The following ZDHHC7 variants were observed in gnomAD, a reference collection of about 807,000 sequenced individuals.
ZDHHC7 encodes the protein palmitoyltransferase ZDHHC7.
Under a neutral mutation model 34.1 loss-of-function variants are expected in ZDHHC7, and 12 were observed. The ratio of observed to expected loss-of-function variants is 0.35; its 90% CI spans 0.23 to 0.57. The LOEUF is 0.57. Ranked by LOEUF, ZDHHC7 falls within the 20% of genes least tolerant of loss-of-function variation. ZDHHC7 has a pLI of 0.84. For synonymous variants in ZDHHC7, 185 were observed against 155.4 expected, an observed-to-expected ratio of 1.19 and a Z score of -1.42; for missense variants, 388 against 402.7, an observed-to-expected ratio of 0.96 and a Z score of 0.31.
chr16:84,984,883 G>A (rs2143597056), intron 3 of ZDHHC7, among the ~76,000 whole-genome samples: 1 of 152,144 alleles, frequency 6.6e-6, no homozygotes, highest in East Asian at 1.9e-4. Context: ...GGTGTGCACG[G>A]CTGCACCATC....
the ZDHHC7 span, among the ~76,000 whole-genome samples, chr16:85,021,918 A>G: frequency 1.3e-5 from 2 of 152,082 alleles, no homozygotes; most frequent in South Asian, 4.1e-4. Context: ...GCACTTTGGG[A>G]GGCCGAGGCG....
intron 1 of ZDHHC7, among the ~76,000 whole-genome samples, chr16:85,010,723 G>T (rs2072779919): frequency 6.6e-6 from 1 of 152,220 alleles, no homozygotes. Context: ...AACCACACCA[G>T]GAGAGGTGAG....
intron 1 of ZDHHC7, among the ~76,000 whole-genome samples, chr16:85,005,856 G>T (rs1447938823): frequency 6.6e-6 from 1 of 152,120 alleles, no homozygotes; most frequent in Non-Finnish European, 1.5e-5. Flanking sequence ...ATGCAACCAG[G>T]ATTGATTCAC....
At chr16:84,977,060 C>T in intron 7 of ZDHHC7, 35 bp downstream of exon 7, 1 of 1,612,878 alleles carries the variant, frequency 6.2e-7, no homozygotes, top group South Asian at 1.1e-5. Flanking sequence ...GCTTGGACCA[C>T]ATATGAAGTC....
intron 3 of ZDHHC7, among the ~76,000 whole-genome samples, chr16:84,986,318 C>T (rs1272280004): frequency 1.3e-5 from 2 of 152,238 alleles, no homozygotes; most frequent in Non-Finnish European, 2.9e-5. Context: ...TGGCCTCTTA[C>T]TGGCACAGCG....
the ZDHHC7 span, among the ~76,000 whole-genome samples, chr16:85,022,724 C>T: frequency 6.6e-6 from 1 of 152,146 alleles, no homozygotes; most frequent in Admixed American, 6.5e-5. Context: ...AGAAATATAT[C>T]ACCATTGGTC....
chr16:85,024,146 G>T, the ZDHHC7 span, among the ~76,000 whole-genome samples: 6 of 151,682 alleles, frequency 4.0e-5, no homozygotes, highest in South Asian at 1.2e-3. Flanking sequence ...TCAAACTCCT[G>T]ACCTCAGATG....
intron 3 of ZDHHC7, among the ~76,000 whole-genome samples, chr16:84,986,974 T>C (rs138287056): frequency 1.8e-3 from 272 of 152,246 alleles, no homozygotes; most frequent in Admixed American, 3.7e-3. Flanking sequence ...ATGCCCACTC[T>C]CCCCTTCAGA....
intron 1 of ZDHHC7, among the ~76,000 whole-genome samples, chr16:84,997,975 T>C (rs1035496836): frequency 1.6e-4 from 22 of 138,100 alleles, no homozygotes; most frequent in Non-Finnish European, 2.9e-4. Context: ...GAGAAGAGAA[T>C]GTAAAATAAA....
At chr16:84,985,692 C>G (rs1203547088) in intron 3 of ZDHHC7, among the ~76,000 whole-genome samples, 1 of 152,120 alleles carries the variant, frequency 6.6e-6, no homozygotes, top group Admixed American at 6.5e-5. Flanking sequence ...CGGTGACTCA[C>G]ACTTGTAATC....
chr16:85,007,816 C>T lies in ZDHHC7; in HGVS notation c.-104+3470G>A, dbSNP rs142961313. Among the ~76,000 whole-genome samples, 244 of 152,042 alleles carry T rather than the reference C, an allele frequency of 1.6e-3. 4 individuals carry two copies. Among genetic ancestry groups the T allele is most frequent in the African/African-American group, 5.2e-3 (216 of 41,356 alleles). ...TACAGGATTTTCAAGTAGGAAGGGACCAGGAAAGAAGTAGGATATGTAGTA... is the reference window on the plus strand; with the variant it reads ...TACAGGATTTTCAAGTAGGAAGGGATCAGGAAAGAAGTAGGATATGTAGTA... On this transcript the variant is annotated intron_variant, in intron 1 of 7. Transcript: ENST00000313732.
At chr16:84,999,387 T>C (rs1042788925) in intron 1 of ZDHHC7, among the ~76,000 whole-genome samples, 1 of 152,144 alleles carries the variant, frequency 6.6e-6, no homozygotes, top group Admixed American at 6.6e-5. Flanking sequence ...GAAAAATAAA[T>C]ATAAATATGA....
intron 3 of ZDHHC7, 136 bp downstream of exon 3, chr16:84,990,168 T>C: frequency 3.8e-6 from 4 of 1,046,238 alleles, no homozygotes; most frequent in Non-Finnish European, 5.5e-6. Flanking sequence ...GCTCCCAAAA[T>C]GAGCTCAATC....
chr16:84,994,677 G>T (rs2072553753), intron 2 of ZDHHC7, among the ~76,000 whole-genome samples: 1 of 152,186 alleles, frequency 6.6e-6, no homozygotes, highest in Non-Finnish European at 1.5e-5. Context: ...AGCTGTGTAA[G>T]GAGAGCGCCC....
chr16:85,015,057 C>A (rs567645882), upstream of ZDHHC7, among the ~76,000 whole-genome samples: 1 of 151,040 alleles, frequency 6.6e-6, no homozygotes, highest in African/African-American at 2.4e-5. Context: ...ACTTTGGTTT[C>A]ATCAATGTGA....
Position 85,001,470 on chromosome 16 carries a change from C to CAA in ZDHHC7, c.-103-5465_-103-5464dup, listed in dbSNP as rs71151261. ...TGGGCAAGAGAGCAAGACCCTGTCT[C>CAA]AAAAAAAAAAAAAATTAAGTAAATG... On this transcript the variant is annotated intron_variant, in intron 1 of 7. Coordinates refer to ENST00000313732, the MANE Select transcript of ZDHHC7 (RefSeq NM_017740.3). Among the ~76,000 whole-genome samples the CAA allele has an allele frequency of 2.6e-4, 25 of 95,354 alleles. 1 individual carries two copies. The highest frequency in any genetic ancestry group is 1.9e-3 in the Admixed American group (14 of 7,480). The allele number at this position is 95,354 out of a possible 152,430, so 62.6% of individuals were successfully genotyped here.
chr16:84,998,750 T>G (rs997828496), intron 1 of ZDHHC7, among the ~76,000 whole-genome samples: 3 of 72,310 alleles, frequency 4.1e-5, no homozygotes, highest in Middle Eastern at 8.3e-3. Context: ...CTTCTGAACC[T>G]TTTTTTTTTT....
chr16:85,025,371 T>C, the ZDHHC7 span, among the ~76,000 whole-genome samples: 1,812 of 152,010 alleles, frequency 0.012, 20 homozygotes, highest in Non-Finnish European at 0.018. Context: ...CCCTGGATCC[T>C]GCTGAGCCAA....
intron 2 of ZDHHC7, among the ~76,000 whole-genome samples, chr16:84,993,716 A>G (rs895139595): frequency 2.0e-5 from 3 of 152,210 alleles, no homozygotes; most frequent in Non-Finnish European, 4.4e-5. Context: ...ACTAAAGATC[A>G]AAAGAATTTG....
Sources: gnomAD v4.1 joint callset for allele counts (sites outside exome capture counted in the v4.1 genomes callset) on GRCh38, gnomAD v4.1.1 for gene constraint, MANE v1.5 for transcripts, NCBI Gene and HGNC (gene_info 2026-07-23, HGNC 2026-07-21) for gene names.